Variants in TTC28 observed in about 807,000 individuals in gnomAD.
TTC28 encodes the protein tetratricopeptide repeat domain 28, also known as tetratricopeptide repeat protein 28.
In TTC28, 61 loss-of-function variants were observed where a neutral mutation model predicts 198.0. The ratio of observed to expected loss-of-function variants is 0.31; its 90% CI spans 0.25 to 0.38. TTC28 has a LOEUF of 0.38. Among genes scored for constraint, TTC28 ranks in the 10% least tolerant of loss-of-function variants. TTC28 has a pLI of 1.00. For synonymous variants in TTC28, 1,171 were observed against 1,297.8 expected (o/e 0.90, Z 2.10); for missense variants, 2,678 against 3,164.0 (o/e 0.85, Z 3.69).
intron 2 of TTC28, among the ~76,000 whole-genome samples, chr22:28,436,057 C>A (rs937442984): frequency 3.3e-5 from 5 of 152,118 alleles, no homozygotes; most frequent in African/African-American, 7.2e-5. Context: ...ACACAACCAC[C>A]ACCTCATAAC....
intron 2 of TTC28, among the ~76,000 whole-genome samples, chr22:28,598,367 G>GGT (rs921934282): frequency 6.6e-6 from 1 of 151,866 alleles, no homozygotes; most frequent in Middle Eastern, 3.2e-3. Flanking sequence ...AAATTAGCCA[G>GGT]GTGTGGTGGT....
intron 2 of TTC28, among the ~76,000 whole-genome samples, chr22:28,429,906 CTT>C (rs967869270): frequency 6.6e-6 from 1 of 152,142 alleles, no homozygotes; most frequent in African/African-American, 2.4e-5. Context: ...GTTAAAGACT[CTT>C]TTCACCATCC....
chr22:28,287,230 G>T (rs1264222194), intron 5 of TTC28, among the ~76,000 whole-genome samples: 3 of 152,102 alleles, frequency 2.0e-5, no homozygotes, highest in Admixed American at 6.5e-5. Flanking sequence ...TATGACAAAA[G>T]TAACATGCAG....
chr22:28,392,780 G>T (rs2046751726), intron 2 of TTC28, among the ~76,000 whole-genome samples: 1 of 151,518 alleles, frequency 6.6e-6, no homozygotes, highest in South Asian at 2.1e-4. Flanking sequence ...ACCTCAGATG[G>T]AAATGCAGAA....
intron 2 of TTC28, among the ~76,000 whole-genome samples, chr22:28,537,527 C>T (rs2049320052): frequency 6.6e-6 from 1 of 151,514 alleles, no homozygotes; most frequent in South Asian, 2.1e-4. Context: ...ACTTTAAATA[C>T]AAAAGTAAAC....
chr22:28,113,976 AC>A (rs1942562166), intron 6 of TTC28, among the ~76,000 whole-genome samples: 2 of 152,220 alleles, frequency 1.3e-5, no homozygotes, highest in East Asian at 3.9e-4. Context: ...CTATGGGACA[AC>A]AGTAGAAAGA....
intron 2 of TTC28, among the ~76,000 whole-genome samples, chr22:28,364,522 G>T (rs1172441011): frequency 6.6e-6 from 1 of 152,154 alleles, no homozygotes; most frequent in Non-Finnish European, 1.5e-5. Flanking sequence ...GAAGGCTATG[G>T]ACAAAGTCAA....
chr22:28,374,453 C>T (rs1295619398), intron 2 of TTC28, among the ~76,000 whole-genome samples: 1 of 152,012 alleles, frequency 6.6e-6, no homozygotes, highest in Non-Finnish European at 1.5e-5. Flanking sequence ...TGTTGGTGAA[C>T]AGTATGTAAA....
intron 2 of TTC28, among the ~76,000 whole-genome samples, chr22:28,559,685 C>T (rs2049840193): frequency 6.6e-6 from 1 of 152,198 alleles, no homozygotes; most frequent in South Asian, 2.1e-4. Flanking sequence ...GGGTCATTCT[C>T]TCCTTCACTT....
chr22:28,177,669 AG>A (rs957431077), intron 5 of TTC28, among the ~76,000 whole-genome samples: 4 of 152,252 alleles, frequency 2.6e-5, no homozygotes, highest in African/African-American at 9.6e-5. Context: ...AATATTATTC[AG>A]GGCTAAAAAC....
chr22:28,566,479 T>A (rs1601573573), intron 2 of TTC28, among the ~76,000 whole-genome samples: 1 of 152,126 alleles, frequency 6.6e-6, no homozygotes, highest in Admixed American at 6.5e-5. Context: ...TGTAACTGAG[T>A]AACAGGCTTG....
intron 2 of TTC28, among the ~76,000 whole-genome samples, chr22:28,498,170 G>T (rs2048482540): frequency 6.6e-6 from 1 of 151,070 alleles, no homozygotes; most frequent in African/African-American, 2.4e-5. Flanking sequence ...AAGGTGGGAA[G>T]TGGTGGTGGT....
intron 2 of TTC28, among the ~76,000 whole-genome samples, chr22:28,433,508 G>C (rs1444757290): frequency 6.6e-6 from 1 of 152,128 alleles, no homozygotes; most frequent in African/African-American, 2.4e-5. Flanking sequence ...TTTTACAAAT[G>C]TTTTAGTCTA....
At chr22:28,586,376 A>T (rs1442968150) in intron 2 of TTC28, among the ~76,000 whole-genome samples, 6 of 152,026 alleles carry the variant, frequency 3.9e-5, no homozygotes, top group Non-Finnish European at 2.9e-5. Flanking sequence ...AAAAGTAATA[A>T]AATCAATAAT....
intron 1 of TTC28, among the ~76,000 whole-genome samples, chr22:28,676,659 C>A (rs2051994524): frequency 6.6e-6 from 1 of 151,446 alleles, no homozygotes; most frequent in Non-Finnish European, 1.5e-5. Context: ...GTCCAAAAGT[C>A]TTTCCTTCCT....
At chr22:28,103,894 T>C (rs1942225933) in intron 8 of TTC28, among the ~76,000 whole-genome samples, 2 of 152,224 alleles carry the variant, frequency 1.3e-5, no homozygotes, top group African/African-American at 4.8e-5. Context: ...AAATTGCTCC[T>C]TGTCTGTTGG....
At position 28,159,378 on chromosome 22, in the gene TTC28, G is replaced by A. The variant is rs141612220; in HGVS notation, c.1441+3714C>T. ...AAAACTAAAAATAGAGCTACCGGCC[G>A]GGCATGGTGGCTCATGCCTGTAATC... On this transcript the variant is annotated intron_variant, in intron 6 of 22. Transcript: ENST00000397906. 3.5e-3 allele frequency among the ~76,000 whole-genome samples: 540 copies of A among 152,276 alleles called. 4 individuals are homozygous for A. The highest frequency in any genetic ancestry group is 5.9e-3 in the Non-Finnish European group (404 of 68,004).
intron 6 of TTC28, among the ~76,000 whole-genome samples, chr22:28,130,593 TGAATGCAGATGCAGAAA>T (rs993769991): frequency 5.9e-5 from 9 of 152,216 alleles, no homozygotes; most frequent in East Asian, 3.8e-4. Flanking sequence ...CACTTCTGGG[TGAATGCAGATGCAGAAA>T]GAATGCAGAT....
At chr22:28,066,018 T>A (rs141605173) in intron 12 of TTC28, among the ~76,000 whole-genome samples, 1 of 152,318 alleles carries the variant, frequency 6.6e-6, no homozygotes, top group African/African-American at 2.4e-5. Context: ...AACCAGAAAG[T>A]GAGTCTTCCC....
Sources: gnomAD v4.1 joint callset for allele counts (sites outside exome capture counted in the v4.1 genomes callset) on GRCh38, gnomAD v4.1.1 for gene constraint, MANE v1.5 for transcripts, NCBI Gene and HGNC (gene_info 2026-07-23, HGNC 2026-07-21) for gene names.